Variants in DMD observed in about 807,000 individuals in gnomAD.
DMD encodes mutant dystrophin.
In DMD, 63 loss-of-function variants were observed where a neutral mutation model predicts 330.1. That is an observed-to-expected ratio of 0.19 (90% CI 0.16 to 0.24). DMD has a LOEUF of 0.24. DMD is among the 10% of genes least tolerant of loss of function. The pLI, the probability that DMD is intolerant of heterozygous loss-of-function variation, is 1.00. For missense variants in DMD, 3,344 were observed against 2,684.1 expected (o/e 1.25, Z -5.43); for synonymous variants, 1,223 against 959.8 (o/e 1.27, Z -5.07).
At chrX:31,299,432 G>A (rs1386945076) in intron 62 of DMD, among the ~76,000 whole-genome samples, 2 of 111,672 alleles carry the variant, frequency 1.8e-5, no homozygotes, top group East Asian at 5.6e-4. Flanking sequence ...GGAACCTAGG[G>A]TCAGATATTT....
chrX:31,678,187 C>G (rs1476433321), intron 53 of DMD, among the ~76,000 whole-genome samples: 1 of 111,917 alleles, frequency 8.9e-6, no homozygotes, highest in Non-Finnish European at 1.9e-5. Flanking sequence ...CTTAGCATAG[C>G]CTAACCTGAC....
intron 44 of DMD, among the ~76,000 whole-genome samples, chrX:32,156,016 A>ACC (rs767034908): frequency 1.3e-4 from 13 of 100,979 alleles, no homozygotes; most frequent in Non-Finnish European, 2.6e-4. Flanking sequence ...ACACACACAC[A>ACC]CCTGTATAGC....
chrX:31,221,680 T>A (rs773182902), intron 64 of DMD, among the ~76,000 whole-genome samples: 26 of 113,103 alleles, frequency 2.3e-4, no homozygotes, highest in Admixed American at 4.6e-4. Flanking sequence ...TAATACATTA[T>A]ACATATATTT....
chrX:31,617,115 T>C (rs928480157), intron 55 of DMD, among the ~76,000 whole-genome samples: 1 of 111,937 alleles, frequency 8.9e-6, no homozygotes, highest in Admixed American at 9.4e-5. Flanking sequence ...GTTCAAATCA[T>C]TGGATTAAAG....
intron 41 of DMD, among the ~76,000 whole-genome samples, chrX:32,338,428 GATTA>G (rs2097725702): frequency 9.1e-6 from 1 of 110,014 alleles, no homozygotes; most frequent in Admixed American, 9.7e-5. Context: ...ATGTTTGAGG[GATTA>G]ATTATATTTT....
chrX:33,330,127 GGAGA>G (rs987578100), intron 1 of DMD, among the ~76,000 whole-genome samples: 2 of 110,540 alleles, frequency 1.8e-5, no homozygotes, highest in Non-Finnish European at 3.8e-5. Flanking sequence ...GAGAGAAAGA[GGAGA>G]GAGAGAGACT....
rs181488461 is a variant in DMD at position 32,834,978 on chromosome X, G to T, written c.264+9805C>A. On this transcript the variant is annotated intron_variant, in intron 4 of 78. Transcript: ENST00000357033. ...CATAATACATCTTGGGGAGCGGGGG[G>T]TAGTTTAAAGCACCACAGTTAAATC... Among the ~76,000 whole-genome samples the T allele has an allele frequency of 5.6e-3, 618 of 111,049 alleles. 7 individuals carry two copies. Among genetic ancestry groups the T allele is most frequent in the African/African-American group, 0.019 (590 of 30,631 alleles).
chrX:32,998,001 A>T (rs1334020208), intron 2 of DMD, among the ~76,000 whole-genome samples: 1 of 111,168 alleles, frequency 9.0e-6, no homozygotes, highest in Non-Finnish European at 1.9e-5. Context: ...TGAGGTGTGT[A>T]TGTTAGTAAA....
intron 34 of DMD, among the ~76,000 whole-genome samples, chrX:32,366,553 G>A (rs982314580): frequency 1.3e-4 from 15 of 112,153 alleles, no homozygotes; most frequent in Admixed American, 1.2e-3. Context: ...GAGCAGCTCT[G>A]TAATGCCAGC....
chrX:31,793,778 G>A lies in DMD; in HGVS notation c.7310-19586C>T, dbSNP rs73213872. Among the ~76,000 whole-genome samples the A allele has an allele frequency of 2.3e-3, 255 of 112,015 alleles. 2 individuals carry two copies. Among genetic ancestry groups the A allele is most frequent in the South Asian group, 8.8e-3 (24 of 2,712 alleles). ...TTGTAAAATAAAAATATCCTAAGCC[G>A]AACCATTGTAAATCAAAACATTTTT... On this transcript the variant is annotated intron_variant, in intron 50 of 78. Coordinates refer to ENST00000357033, the MANE Select transcript of DMD (RefSeq NM_004006.3).
At chrX:31,285,509 A>G (rs964749021) in intron 62 of DMD, among the ~76,000 whole-genome samples, 1 of 112,529 alleles carries the variant, frequency 8.9e-6, no homozygotes, top group Non-Finnish European at 1.9e-5. Flanking sequence ...TAATGTATGC[A>G]TATCACAACT....
chrX:32,177,409 C>T (rs2147416948), intron 44 of DMD, among the ~76,000 whole-genome samples: 1 of 111,885 alleles, frequency 8.9e-6, no homozygotes, highest in African/African-American at 3.2e-5. Context: ...TTCTTCCAAA[C>T]ATAATCTGCT....
At chrX:32,677,378 G>A (rs1354498029) in intron 9 of DMD, among the ~76,000 whole-genome samples, 1 of 111,231 alleles carries the variant, frequency 9.0e-6, no homozygotes, top group East Asian at 2.8e-4. Context: ...ATTCACATGT[G>A]CATATTTCCA....
At chrX:31,354,734 G>T (rs1569531664) in intron 60 of DMD, among the ~76,000 whole-genome samples, 1 of 112,031 alleles carries the variant, frequency 8.9e-6, no homozygotes, top group African/African-American at 3.2e-5. Context: ...TGACTAGAAT[G>T]TAAGTTTATT....
chrX:31,561,503 T>C (rs1211028279), intron 55 of DMD, among the ~76,000 whole-genome samples: 1 of 112,104 alleles, frequency 8.9e-6, no homozygotes, highest in African/African-American at 3.2e-5. Context: ...TACTCTGTTG[T>C]CCTCCTTCAA....
At chrX:32,194,498 A>G (rs77768971) in intron 44 of DMD, among the ~76,000 whole-genome samples, 70 of 111,954 alleles carry the variant, frequency 6.3e-4, no homozygotes, top group African/African-American at 2.3e-3. Flanking sequence ...TCATTCATTC[A>G]TATGGTTGCT....
chrX:31,952,656 T>A (rs2095198603), intron 45 of DMD, among the ~76,000 whole-genome samples: 1 of 111,748 alleles, frequency 8.9e-6, no homozygotes, highest in African/African-American at 3.3e-5. Context: ...TGTTTGAAGG[T>A]ATTTATAGTA....
intron 11 of DMD, among the ~76,000 whole-genome samples, chrX:32,615,232 C>T (rs2057470646): frequency 9.0e-6 from 1 of 111,372 alleles, no homozygotes; most frequent in African/African-American, 3.3e-5. Context: ...TCATTTGATA[C>T]ACACAAATAG....
At chrX:32,335,111 A>G (rs944263762) in intron 41 of DMD, among the ~76,000 whole-genome samples, 2 of 111,414 alleles carry the variant, frequency 1.8e-5, no homozygotes, top group Non-Finnish European at 3.8e-5. Context: ...TTGTGAATGT[A>G]TAATACTATT....
Sources: gnomAD v4.1 joint callset for allele counts (sites outside exome capture counted in the v4.1 genomes callset) on GRCh38, gnomAD v4.1.1 for gene constraint, MANE v1.5 for transcripts, NCBI Gene and HGNC (gene_info 2026-07-23, HGNC 2026-07-21) for gene names.